Variants in PRELP observed in about 807,000 individuals in gnomAD.
The protein encoded by PRELP is proline and arginine rich end leucine rich repeat protein.
PRELP carries 16 observed loss-of-function variants against 22.8 expected under a neutral mutation model. The observed-to-expected ratio is 0.70, with a 90% CI of 0.47 to 1.06. The LOEUF is 1.06. Among genes scored for constraint, PRELP ranks in the 50% least tolerant of loss-of-function variants. PRELP has a pLI of 0.00. For missense variants in PRELP, 434 were observed against 485.2 expected, an observed-to-expected ratio of 0.89 and a Z score of 0.99; for synonymous variants, 233 against 211.4, an observed-to-expected ratio of 1.10 and a Z score of -0.89.
At chr1:203,481,872 TTGG>T (rs1482098717) in intron 1 of PRELP, among the ~76,000 whole-genome samples, 4 of 152,166 alleles carry the variant, frequency 2.6e-5, no homozygotes, top group Non-Finnish European at 5.9e-5. Flanking sequence ...CTGGAGTTGA[TTGG>T]TGGATTTCAA....
intron 1 of PRELP, among the ~76,000 whole-genome samples, chr1:203,476,598 G>A (rs1660914572): frequency 6.6e-6 from 1 of 152,200 alleles, no homozygotes; most frequent in South Asian, 2.1e-4. Context: ...CCAAGTCCAG[G>A]CCGAATAGGG....
intron 1 of PRELP, among the ~76,000 whole-genome samples, chr1:203,480,949 C>A (rs1169294059): frequency 6.6e-6 from 1 of 152,244 alleles, no homozygotes; most frequent in African/African-American, 2.4e-5. Context: ...CTGTGAGTAA[C>A]CTGCCTGTTC....
At chr1:203,476,349 C>A (rs1660911214) in intron 1 of PRELP, among the ~76,000 whole-genome samples, 1 of 152,176 alleles carries the variant, frequency 6.6e-6, no homozygotes, top group Non-Finnish European at 1.5e-5. Flanking sequence ...TCACTACCAT[C>A]ACCCCACACG....
In PRELP at chr1:203,483,359, C is replaced by A. The variant is rs146960081; in HGVS notation, c.175C>A (p.Pro59Thr). 1 of 1,609,758 alleles carries A rather than the reference C, an allele frequency of 6.2e-7. No individual in the cohort carries two copies. The highest frequency in any genetic ancestry group is 8.5e-7 in the Non-Finnish European group (1 of 1,176,152). ...PDEPAEPTDL[P>T]PPLPPGPPSI... ...TGAACCAGCAGAGCCAACAGACCTG[C>A]CTCCTCCCCTCCCTCCAGGCCCTCC... The change falls in exon 2 of 3, where the codon CCT (proline) becomes ACT (threonine). Residue 59 changes from proline to threonine, a missense_variant. Coordinates refer to ENST00000343110, the MANE Select transcript of PRELP (RefSeq NM_002725.4). This position sits in a 1 kb window ranked among gnomAD's most constrained non-coding sequence, Gnocchi z 4.4.
rs931627948 is a variant in PRELP, at chr1:203,489,492, G to A, written c.*2611G>A. The A allele has an allele frequency of 4.6e-5, 7 of 152,240 alleles. No individual in the cohort carries two copies. The highest frequency in any genetic ancestry group is 1.2e-4 in the African/African-American group (5 of 41,452). 9.4% of individuals were successfully genotyped at this position (152,240 alleles called of 1,614,324 possible). ...GTCATCGACATATACAGGTGTGTACGTAGGTGTATGTGTGTACTCTGCACG... is the reference window on the plus strand; with the variant it reads ...GTCATCGACATATACAGGTGTGTACATAGGTGTATGTGTGTACTCTGCACG... On this transcript the variant is annotated 3_prime_UTR_variant, in exon 3 of 3. Coordinates refer to ENST00000343110, the MANE Select transcript of PRELP (RefSeq NM_002725.4).
At chr1:203,481,862 C>G (rs1280000728) in intron 1 of PRELP, among the ~76,000 whole-genome samples, 1 of 152,176 alleles carries the variant, frequency 6.6e-6, no homozygotes, top group Non-Finnish European at 1.5e-5. Flanking sequence ...ATGGTGGGGT[C>G]TGGAGTTGAT....
Position 203,483,261 on chromosome 1 carries a change from C to T in PRELP, c.77C>T (p.Pro26Leu). The T allele has an allele frequency of 6.2e-7, 1 of 1,603,854 alleles. No individual in the cohort carries two copies. Among genetic ancestry groups the T allele is most frequent in the Non-Finnish European group, 8.5e-7 (1 of 1,176,720 alleles). ...SVAQGQPTRR[P>L]RPGTGPGRRP... ...GCCCAAGGCCAGCCAACAAGACGAC[C>T]AAGACCCGGGACTGGGCCCGGGCGC... Residue 26 changes from proline to leucine, a missense_variant, in exon 2 of 3, where the codon CCA becomes CTA. Pro to Leu is a moderately conservative substitution (Grantham distance 98). Coordinates refer to ENST00000343110, the MANE Select transcript of PRELP (RefSeq NM_002725.4). The surrounding 1 kb of genome is among the most constrained non-coding windows in gnomAD (Gnocchi z 4.4).
At chr1:203,478,100 G>C (rs28452703) in intron 1 of PRELP, among the ~76,000 whole-genome samples, 37,390 of 152,114 alleles carry the variant, frequency 0.25, 5,128 homozygotes, top group East Asian at 0.45. Flanking sequence ...TTAACATTCA[G>C]AAAACACTCA....
In PRELP at chr1:203,487,642, G is replaced by C. The variant is rs1661117339; in HGVS notation, c.*761G>C. ...AACTAGGAAGCAGCCATGGGAGAGG[G>C]GAAGGGTTCAAGCCCGGGATGGGCC... On this transcript the variant is annotated 3_prime_UTR_variant, in exon 3 of 3. Coordinates refer to ENST00000343110, the MANE Select transcript of PRELP (RefSeq NM_002725.4). The C allele has an allele frequency of 6.5e-6, 1 of 152,710 alleles. No homozygotes were observed. Among genetic ancestry groups the C allele is most frequent in the East Asian group, 1.9e-4 (1 of 5,204 alleles). The allele number at this position is 152,710 out of a possible 1,614,324, so 9.5% of individuals were successfully genotyped here. A position where few individuals can be genotyped will look rare whatever the true frequency, so the allele number is the denominator to read the frequency against.
intron 2 of PRELP, among the ~76,000 whole-genome samples, chr1:203,486,099 G>C (rs558795854): frequency 3.3e-5 from 5 of 152,208 alleles, no homozygotes; most frequent in African/African-American, 1.2e-4. Context: ...CAGTGTAGCC[G>C]GATTATCTTT....
chr1:203,486,482 C>T (rs765595733), intron 2 of PRELP, among the ~76,000 whole-genome samples: 3 of 152,202 alleles, frequency 2.0e-5, no homozygotes, highest in Non-Finnish European at 4.4e-5. Context: ...CTAGAGTTAA[C>T]TTGCAATAAC....
chr1:203,479,441 G>A (rs999059319), intron 1 of PRELP, among the ~76,000 whole-genome samples: 4 of 152,086 alleles, frequency 2.6e-5, no homozygotes, highest in Non-Finnish European at 5.9e-5. Flanking sequence ...TGTGGCTCAT[G>A]CCTGTAATCC....
At chr1:203,482,606 T>TTTTC (rs1367115188) in intron 1 of PRELP, among the ~76,000 whole-genome samples, 1 of 127,378 alleles carries the variant, frequency 7.9e-6, no homozygotes, top group African/African-American at 3.0e-5. Context: ...TTTTTTTTTT[T>TTTTC]TTTTTTTTTG....
Position 203,489,958 on chromosome 1 carries a change from A to AAAAAAT in PRELP, c.*3099_*3104dup, listed in dbSNP as rs556595431. The AAAAAAT allele has an allele frequency of 3.3e-5, 5 of 152,274 alleles. No homozygotes were observed. Among genetic ancestry groups the AAAAAAT allele is most frequent in the South Asian group, 2.1e-4 (1 of 4,824 alleles). The allele number at this position is 152,274 out of a possible 1,614,324, so 9.4% of individuals were successfully genotyped here. A position where few individuals can be genotyped will look rare whatever the true frequency, so the allele number is the denominator to read the frequency against. ...GGAGACAAAACGAGACTTCATTTAA[A>AAAAAAT]AAAAATAAAAATAAAAATAAAAATA... is the stretch of plus-strand genomic sequence containing the variant. On this transcript the variant is annotated 3_prime_UTR_variant, in exon 3 of 3. Transcript: ENST00000343110.
chr1:203,482,088 G>T (rs4971251), intron 1 of PRELP, among the ~76,000 whole-genome samples: 36,983 of 151,908 alleles, frequency 0.24, 5,066 homozygotes, highest in East Asian at 0.45. Flanking sequence ...AAAACCACTA[G>T]GTTATAGGAT....
rs896390443 is a variant in PRELP at position 203,488,519 on chromosome 1, CAAAAAA to C, written c.*1639_*1644del. ...TGGGCGACAGAGTGAGACTCCGTCT[CAAAAAA>C]GAAAAAAAAAAGATGCTCCTCTGAG... On this transcript the variant is annotated 3_prime_UTR_variant, in exon 3 of 3. Coordinates refer to ENST00000343110, the MANE Select transcript of PRELP (RefSeq NM_002725.4). 2.6e-5 allele frequency: 4 copies of C among 150,974 alleles called. No homozygotes were observed. The highest frequency in any genetic ancestry group is 9.7e-5 in the African/African-American group (4 of 41,032). The allele number at this position is 150,974 out of a possible 1,614,324, so 9.4% of individuals were successfully genotyped here. A position where few individuals can be genotyped will look rare whatever the true frequency, so the allele number is the denominator to read the frequency against.
chr1:203,484,215 T>A (rs1430996319), intron 2 of PRELP, 58 bp downstream of exon 2: 2 of 1,573,096 alleles, frequency 1.3e-6, no homozygotes, highest in Middle Eastern at 2.3e-4. Context: ...GTGTAGCACT[T>A]CCACCCTCTC....
chr1:203,485,530 C>T (rs779118375), intron 2 of PRELP, among the ~76,000 whole-genome samples: 6 of 152,168 alleles, frequency 3.9e-5, no homozygotes, highest in Non-Finnish European at 8.8e-5. Flanking sequence ...AAACAGCTTA[C>T]AAAATGCCTT....
chr1:203,482,332 G>T (rs1358408191), intron 1 of PRELP, among the ~76,000 whole-genome samples: 1 of 151,378 alleles, frequency 6.6e-6, no homozygotes, highest in Non-Finnish European at 1.5e-5. Context: ...AGGCTGGAGT[G>T]CATTGGTGCA....
Sources: allele counts gnomAD v4.1 joint callset (sites outside exome capture counted in the v4.1 genomes callset), GRCh38; gene constraint gnomAD v4.1.1; non-coding constraint Gnocchi (gnomAD v3.1); transcripts MANE v1.5; gene names NCBI Gene and HGNC (gene_info 2026-07-23, HGNC 2026-07-21).